Variants in NHLRC2 observed in about 807,000 individuals in gnomAD.
The protein encoded by NHLRC2 is NHL repeat-containing protein 2.
In NHLRC2, 33 loss-of-function variants were observed where a neutral mutation model predicts 68.1. The ratio of observed to expected loss-of-function variants is 0.48; its 90% CI spans 0.37 to 0.65. The LOEUF (loss-of-function observed/expected upper bound fraction) is 0.65. NHLRC2 is among the 30% of genes least tolerant of loss of function. The pLI, the probability that NHLRC2 is intolerant of heterozygous loss-of-function variation, is 0.00. For missense variants in NHLRC2, 761 were observed against 853.8 expected, an observed-to-expected ratio of 0.89 and a Z score of 1.35; for synonymous variants, 311 against 309.6, an observed-to-expected ratio of 1.00 and a Z score of -0.05.
chr10:113,870,196 T>G (rs1003963621), intron 2 of NHLRC2, among the ~76,000 whole-genome samples: 13 of 152,190 alleles, frequency 8.5e-5, no homozygotes, highest in African/African-American at 3.1e-4. Context: ...AGATTTATTT[T>G]TTTCTATTTG....
In NHLRC2 at chr10:113,903,933, T is replaced by A. The variant is rs1846250773; in HGVS notation, c.1704+197T>A. Among the ~76,000 whole-genome samples the A allele has an allele frequency of 1.3e-5, 2 of 151,862 alleles. 1 individual carries two copies. Among genetic ancestry groups the A allele is most frequent in the South Asian group, 4.1e-4 (2 of 4,822 alleles). On this transcript the variant is annotated intron_variant, in intron 9 of 10. Coordinates refer to ENST00000369301, the MANE Select transcript of NHLRC2 (RefSeq NM_198514.4). The stretch of plus-strand genomic sequence containing the variant: ...TTTTATTCTTAAAATAAAAGTTCCA[T>A]CTGTGCTGAGAGTTTGAGAAAAATA...
chr10:113,879,825 T>C (rs1589541153), intron 4 of NHLRC2, 130 bp downstream of exon 4: 6 of 572,002 alleles, frequency 1.0e-5, no homozygotes, highest in South Asian at 5.1e-5. Context: ...TTTCTTGAGG[T>C]ACGTACTTTA....
chr10:113,856,493 T>C (rs1845760469), intron 1 of NHLRC2, among the ~76,000 whole-genome samples: 2 of 132,388 alleles, frequency 1.5e-5, no homozygotes, highest in African/African-American at 5.5e-5. Context: ...CATCAAACTT[T>C]AAAAGATTGT....
At chr10:113,861,569 A>G (rs1310462593) in intron 2 of NHLRC2, among the ~76,000 whole-genome samples, 1 of 152,244 alleles carries the variant, frequency 6.6e-6, no homozygotes. Flanking sequence ...ACTGTCCTTC[A>G]AAGTGAGAGA....
At chr10:113,899,431 C>G (rs1029607919) in intron 6 of NHLRC2, among the ~76,000 whole-genome samples, 1 of 152,176 alleles carries the variant, frequency 6.6e-6, no homozygotes, top group Non-Finnish European at 1.5e-5. Flanking sequence ...GTGCATGTTG[C>G]TTTGGACACA....
chr10:113,897,228 T>C, intron 5 of NHLRC2, among the ~76,000 whole-genome samples: 1 of 152,276 alleles, frequency 6.6e-6, no homozygotes, highest in Middle Eastern at 3.4e-3. Flanking sequence ...AAGTTTATTA[T>C]CTTAGATTTA....
In NHLRC2 at chr10:113,910,500, A is replaced by C. The variant is rs927289100; in HGVS notation, c.*1964A>C. The C allele has an allele frequency of 2.0e-5, 3 of 151,994 alleles. No individual in the cohort carries two copies. The highest frequency in any genetic ancestry group is 4.4e-5 in the Non-Finnish European group (3 of 67,980). 9.4% of individuals were successfully genotyped at this position (151,994 alleles called of 1,614,324 possible). ...TTACAGGTGTGAGCCACCTTGCCCTACTGGCCTTAGTTAATTTTTAATCTC... is the reference window on the plus strand; with the variant it reads ...TTACAGGTGTGAGCCACCTTGCCCTCCTGGCCTTAGTTAATTTTTAATCTC... On this transcript the variant is annotated 3_prime_UTR_variant, in exon 11 of 11. Coordinates refer to ENST00000369301, the MANE Select transcript of NHLRC2 (RefSeq NM_198514.4).
rs1846320708 is a variant in NHLRC2 at position 113,910,745 on chromosome 10, T to G, written c.*2209T>G. The G allele has an allele frequency of 1.3e-5, 2 of 152,224 alleles. No homozygotes were observed. The highest frequency in any genetic ancestry group is 2.9e-5 in the Non-Finnish European group (2 of 68,038). 9.4% of individuals were successfully genotyped at this position (152,224 alleles called of 1,614,324 possible). A position where few individuals can be genotyped will look rare whatever the true frequency, so the allele number is the denominator to read the frequency against. On this transcript the variant is annotated 3_prime_UTR_variant, in exon 11 of 11. Transcript: ENST00000369301. ...TACAGTGAAAATGCAAAGGCATTTT[T>G]TAGACTCTATTCCCCTTCATTTGTC... is the stretch of plus-strand genomic sequence containing the variant.
intron 5 of NHLRC2, among the ~76,000 whole-genome samples, chr10:113,884,937 A>G (rs1429281883): frequency 6.6e-6 from 1 of 151,824 alleles, no homozygotes; most frequent in South Asian, 2.1e-4. Context: ...TTTATTATCT[A>G]TATTAATTGA....
intron 5 of NHLRC2, among the ~76,000 whole-genome samples, chr10:113,891,445 T>C (rs192718465): frequency 6.6e-6 from 1 of 152,350 alleles, no homozygotes; most frequent in East Asian, 1.9e-4. Context: ...TATAAAACAA[T>C]AGAGGCTGAG....
chr10:113,857,058 T>G (rs1227811013), intron 1 of NHLRC2, among the ~76,000 whole-genome samples: 1 of 152,202 alleles, frequency 6.6e-6, no homozygotes, highest in Admixed American at 6.5e-5. Flanking sequence ...GATTATTATT[T>G]GTATTGAAAG....
rs147503314 is a variant in NHLRC2 at position 113,914,061 on chromosome 10, G to C, written c.*5525G>C. 1.3e-5 allele frequency: 2 copies of C among 152,248 alleles called. No individual in the cohort carries two copies. The highest frequency in any genetic ancestry group is 2.9e-5 in the Non-Finnish European group (2 of 68,128). 9.4% of individuals were successfully genotyped at this position (152,248 alleles called of 1,614,324 possible). Reference sequence around the variant, plus strand: ...GTAGAAACAGGGTTTCTGTTGGCCAGGTTGGTCTCGAACTCCTGACCTCAT... The same window carrying C: ...GTAGAAACAGGGTTTCTGTTGGCCACGTTGGTCTCGAACTCCTGACCTCAT... On this transcript the variant is annotated 3_prime_UTR_variant, in exon 11 of 11. Coordinates refer to ENST00000369301, the MANE Select transcript of NHLRC2 (RefSeq NM_198514.4).
rs76144630 is a variant in NHLRC2 at position 113,867,541 on chromosome 10, A to G, written c.331+8861A>G. ...AAAACGAAAATTTTCCCTCTCCAGCATCTTTTCCACACCCTTCTCATCCTT... is the reference window on the plus strand; with the variant it reads ...AAAACGAAAATTTTCCCTCTCCAGCGTCTTTTCCACACCCTTCTCATCCTT... On this transcript the variant is annotated intron_variant, in intron 2 of 10. Coordinates refer to ENST00000369301, the MANE Select transcript of NHLRC2 (RefSeq NM_198514.4). Among the ~76,000 whole-genome samples the G allele has an allele frequency of 3.0e-4, 45 of 152,286 alleles. No homozygotes were observed. In the East Asian group the frequency reaches 8.1e-3, roughly 27 times the overall value.
At chr10:113,888,030 G>C (rs757664407) in intron 5 of NHLRC2, among the ~76,000 whole-genome samples, 2 of 152,156 alleles carry the variant, frequency 1.3e-5, no homozygotes, top group Non-Finnish European at 2.9e-5. Flanking sequence ...AGGAGTTTGA[G>C]ACCAGTCTGG....
At chr10:113,859,744 T>A (rs931208030) in intron 2 of NHLRC2, among the ~76,000 whole-genome samples, 1 of 151,496 alleles carries the variant, frequency 6.6e-6, no homozygotes, top group Non-Finnish European at 1.5e-5. Context: ...ATGTGCAGGG[T>A]ACTCTGCTAA....
chr10:113,877,088 ATAC>A, intron 3 of NHLRC2, 112 bp downstream of exon 3: 1 of 626,066 alleles, frequency 1.6e-6, no homozygotes, highest in Non-Finnish European at 2.6e-6. Flanking sequence ...GAAAAGTGAT[ATAC>A]ATTGACTTAA....
At chr10:113,856,292 A>T (rs1373930974) in intron 1 of NHLRC2, among the ~76,000 whole-genome samples, 2 of 152,220 alleles carry the variant, frequency 1.3e-5, no homozygotes, top group Non-Finnish European at 2.9e-5. Context: ...AATTGGTTGG[A>T]TGTGGCAGAA....
chr10:113,878,786 C>T (rs536669424), intron 3 of NHLRC2, among the ~76,000 whole-genome samples: 2 of 152,274 alleles, frequency 1.3e-5, no homozygotes, highest in South Asian at 4.1e-4. Flanking sequence ...GCCTCGGCCT[C>T]CCAAAGTGCT....
chr10:113,876,987 C>T lies in NHLRC2; in HGVS notation c.787+11C>T. On this transcript the variant is annotated intron_variant, in intron 3 of 10. Transcript: ENST00000369301. ...AATATAGCATTGGAGGTAAAACTTG[C>T]TTCTGATTACGATAGATAACGTGTT... 1 of 1,489,914 alleles carries T rather than the reference C, an allele frequency of 6.7e-7. No individual in the cohort carries two copies. The highest frequency in any genetic ancestry group is 9.1e-7 in the Non-Finnish European group (1 of 1,100,516). 92.3% of individuals were successfully genotyped at this position (1,489,914 alleles called of 1,614,324 possible). A position where few individuals can be genotyped will look rare whatever the true frequency, so the allele number is the denominator to read the frequency against.
Sources: gnomAD v4.1 joint callset for allele counts (sites outside exome capture counted in the v4.1 genomes callset) on GRCh38, gnomAD v4.1.1 for gene constraint, MANE v1.5 for transcripts, NCBI Gene and HGNC (gene_info 2026-07-23, HGNC 2026-07-21) for gene names.